Variants in CARF observed in about 807,000 individuals in gnomAD.
The protein encoded by CARF is calcium-responsive transcription factor.
In CARF, 57 loss-of-function variants were observed where a neutral mutation model predicts 82.0. The ratio of observed to expected loss-of-function variants is 0.70; its 90% CI spans 0.56 to 0.87. The LOEUF is 0.87. Among genes scored for constraint, CARF ranks in the 40% least tolerant of loss-of-function variants. The pLI, the probability that CARF is intolerant of heterozygous loss-of-function variation, is 0.00. For synonymous variants in CARF, 268 were observed against 290.1 expected (o/e 0.92, Z 0.77); for missense variants, 771 against 855.8 (o/e 0.90, Z 1.24).
chr2:202,927,038 A>C (rs1691966803), intron 3 of CARF, among the ~76,000 whole-genome samples: 1 of 151,854 alleles, frequency 6.6e-6, no homozygotes, highest in South Asian at 2.1e-4. Flanking sequence ...CTGGTCTCGA[A>C]CTCCTGAGTT....
rs141008654 is a variant in CARF at position 202,916,397 on chromosome 2, G to T, written c.-329-1480G>T. On this transcript the variant is annotated intron_variant, in intron 1 of 16. Coordinates refer to ENST00000438828, the MANE Select transcript of CARF (RefSeq NM_024744.17). ...GGGGTTTCACCACGTTGGCCAGGAT[G>T]GTCTCAATCTCTTAACTTCGTGATC... Among the ~76,000 whole-genome samples the T allele has an allele frequency of 5.4e-3, 818 of 152,032 alleles. 10 individuals are homozygous for T. The highest frequency in any genetic ancestry group is 0.019 in the African/African-American group (772 of 41,446).
intron 3 of CARF, among the ~76,000 whole-genome samples, chr2:202,932,488 G>T (rs550854758): frequency 2.0e-5 from 3 of 152,156 alleles, no homozygotes; most frequent in South Asian, 4.2e-4. Flanking sequence ...GGGAACGGAG[G>T]GGGTACCCTG....
chr2:202,951,002 A>T (rs1030246436), intron 5 of CARF, among the ~76,000 whole-genome samples: 2 of 152,124 alleles, frequency 1.3e-5, no homozygotes, highest in South Asian at 4.1e-4. Flanking sequence ...CCCTAACATT[A>T]AATTTTTTAA....
intron 3 of CARF, among the ~76,000 whole-genome samples, chr2:202,940,642 C>A (rs1327338017): frequency 1.3e-5 from 2 of 152,098 alleles, no homozygotes; most frequent in Non-Finnish European, 1.5e-5. Flanking sequence ...CACTCTTCAC[C>A]CAGAACCTTT....
At chr2:202,959,815 C>CAAAAAAAAAAA (rs11334679) in intron 8 of CARF, among the ~76,000 whole-genome samples, 2 of 140,250 alleles carry the variant, frequency 1.4e-5, no homozygotes, top group Non-Finnish European at 1.6e-5. Flanking sequence ...ATCTCAAAAA[C>CAAAAAAAAAAA]AAAAAAAAAA....
chr2:202,914,253 C>A (rs1023932580), intron 1 of CARF, among the ~76,000 whole-genome samples: 21 of 152,068 alleles, frequency 1.4e-4, no homozygotes, highest in African/African-American at 4.6e-4. Context: ...AAATACATTT[C>A]TCTTTATTAT....
At chr2:202,918,563 A>C (rs933750306) in intron 2 of CARF, among the ~76,000 whole-genome samples, 9 of 152,118 alleles carry the variant, frequency 5.9e-5, no homozygotes, top group African/African-American at 9.7e-5. Flanking sequence ...ACAAAAAAAA[A>C]CTTTACTTTG....
At position 202,984,117 on chromosome 2, in the gene CARF, T is replaced by C. The variant is rs2105952774; in HGVS notation, c.*493T>C. 1 of 152,672 alleles carries C rather than the reference T, an allele frequency of 6.5e-6. No homozygotes were observed. Among genetic ancestry groups the C allele is most frequent in the Admixed American group, 6.5e-5 (1 of 15,286 alleles). The allele number at this position is 152,672 out of a possible 1,614,324, so 9.5% of individuals were successfully genotyped here. The stretch of plus-strand genomic sequence containing the variant: ...TAATTGCCAGACAGGTAAGAAAATG[T>C]TTATAATCTATCTCATTAAGAAAGA... On this transcript the variant is annotated 3_prime_UTR_variant, in exon 17 of 17. Transcript: ENST00000438828.
At chr2:202,939,108 A>C (rs1297311773) in intron 3 of CARF, among the ~76,000 whole-genome samples, 1 of 152,104 alleles carries the variant, frequency 6.6e-6, no homozygotes, top group African/African-American at 2.4e-5. Flanking sequence ...CGTTCACTAC[A>C]TTGAGTATGG....
In CARF at chr2:202,941,909, C is replaced by G. The variant is rs2058246115; in HGVS notation, c.7C>G (p.Gln3Glu). Reference protein sequence around the residue: MEQSNDSLRVNHN... With the variant: MEESNDSLRVNHN... ...AATTGAATATGATGTCAGCATGGAA[C>G]AATCTAATGATTCATTAAGAGTCAA... is the stretch of plus-strand genomic sequence containing the variant. The change falls in exon 4 of 17, where the codon CAA becomes GAA. Residue 3 changes from glutamine to glutamate, a missense_variant. Physicochemically the swap from Gln to Glu is conservative, Grantham distance 29. Coordinates refer to ENST00000438828, the MANE Select transcript of CARF (RefSeq NM_024744.17). The G allele has an allele frequency of 1.9e-6, 3 of 1,611,642 alleles. No individual in the cohort carries two copies. The highest frequency in any genetic ancestry group is 3.3e-5 in the Admixed American group (2 of 59,928).
intron 1 of CARF, among the ~76,000 whole-genome samples, chr2:202,913,475 T>G (rs1356322558): frequency 6.6e-6 from 1 of 152,192 alleles, no homozygotes; most frequent in Non-Finnish European, 1.5e-5. Context: ...AATTCCAGTT[T>G]AACTAGAAGC....
Position 202,981,535 on chromosome 2 carries a change from GTTTC to G in CARF, c.1559-16_1559-13del. 2 of 1,485,670 alleles carry G rather than the reference GTTTC, an allele frequency of 1.3e-6. No homozygotes were observed. The highest frequency in any genetic ancestry group is 1.8e-6 in the Non-Finnish European group (2 of 1,096,538). 92.0% of individuals were successfully genotyped at this position (1,485,670 alleles called of 1,614,324 possible). On this transcript the variant is annotated splice_polypyrimidine_tract_variant and intron_variant, in intron 14 of 16. Transcript: ENST00000438828. ...AGAAGCCATAAAAATTATTTTAATA[GTTTC>G]TTTAATATAATTTAGGAAATTCACC...
In CARF at chr2:202,985,037, CAA is replaced by C. The variant is rs1574829542; in HGVS notation, c.*1414_*1415del. The C allele has an allele frequency of 1.5e-5, 2 of 133,740 alleles. No individual in the cohort carries two copies. The highest frequency in any genetic ancestry group is 3.2e-5 in the Non-Finnish European group (2 of 63,052). The allele number at this position is 133,740 out of a possible 1,614,324, so 8.3% of individuals were successfully genotyped here. ...CGCCATTGCACTCCAGCCTGGGTGA[CAA>C]GAGAAAAACTCCATCTCAAAAAAAA... On this transcript the variant is annotated 3_prime_UTR_variant, in exon 17 of 17. Transcript: ENST00000438828.
chr2:202,944,240 T>C (rs936540173), intron 5 of CARF, among the ~76,000 whole-genome samples: 2 of 152,216 alleles, frequency 1.3e-5, no homozygotes, highest in African/African-American at 4.8e-5. Flanking sequence ...GACTGACATA[T>C]GGAAAATTAC....
At chr2:202,930,377 T>C (rs985884973) in intron 3 of CARF, among the ~76,000 whole-genome samples, 2 of 152,180 alleles carry the variant, frequency 1.3e-5, no homozygotes, top group Admixed American at 1.3e-4. Flanking sequence ...TTTAATGGTA[T>C]CCCATAATTC....
intron 9 of CARF, among the ~76,000 whole-genome samples, chr2:202,965,142 T>C (rs1489773413): frequency 6.6e-6 from 1 of 152,206 alleles, no homozygotes; most frequent in African/African-American, 2.4e-5. Flanking sequence ...CTAGGTAGTT[T>C]GTTCTGTAAT....
In CARF at chr2:202,983,920, A is replaced by T. The variant is rs1439989258; in HGVS notation, c.*296A>T. 4.3e-6 allele frequency: 1 copy of T among 231,750 alleles called. No individual in the cohort carries two copies. Among genetic ancestry groups the T allele is most frequent in the African/African-American group, 2.3e-5 (1 of 43,840 alleles). The allele number at this position is 231,750 out of a possible 1,614,324, so 14.4% of individuals were successfully genotyped here. ...AATATAGTCTGAACACAAATAGTTT[A>T]CTTAACTTATCCTTGGAAATATTCA... On this transcript the variant is annotated 3_prime_UTR_variant, in exon 17 of 17. Transcript: ENST00000438828.
chr2:202,950,171 G>T (rs1244420667), intron 5 of CARF, among the ~76,000 whole-genome samples: 1 of 152,160 alleles, frequency 6.6e-6, no homozygotes, highest in African/African-American at 2.4e-5. Context: ...TATATGAATT[G>T]TAAATAGTTT....
At chr2:202,976,058 T>C (rs534229603) in intron 13 of CARF, among the ~76,000 whole-genome samples, 1 of 152,084 alleles carries the variant, frequency 6.6e-6, no homozygotes, top group South Asian at 2.1e-4. Context: ...TAAATAAATA[T>C]ATATCCATCT....
Sources: allele counts gnomAD v4.1 joint callset (sites outside exome capture counted in the v4.1 genomes callset), GRCh38; gene constraint gnomAD v4.1.1; transcripts MANE v1.5; gene names NCBI Gene and HGNC (gene_info 2026-07-23, HGNC 2026-07-21).